GPHN: variants seen among roughly 807,000 people sequenced by gnomAD.
The protein encoded by GPHN is gephyrin.
GPHN carries 17 observed loss-of-function variants against 95.5 expected under a neutral mutation model. The ratio of observed to expected loss-of-function variants is 0.18; its 90% CI spans 0.12 to 0.27. The LOEUF is 0.27. Ranked by LOEUF, GPHN falls within the 10% of genes least tolerant of loss-of-function variation. GPHN has a pLI of 1.00. For missense variants in GPHN, 660 were observed against 978.1 expected (o/e 0.67, Z 4.34); for synonymous variants, 320 against 322.5 (o/e 0.99, Z 0.08).
intron 1 of GPHN, among the ~76,000 whole-genome samples, chr14:66,557,282 T>TAGAA (rs535911351): frequency 0.05 from 7,284 of 146,828 alleles, 336 homozygotes; most frequent in African/African-American, 0.12. Flanking sequence ...GATAGATAGA[T>TAGAA]AGAATGAATT....
At chr14:67,560,465 GCTAT>G in the GPHN span, among the ~76,000 whole-genome samples, 126 of 152,310 alleles carry the variant, frequency 8.3e-4, no homozygotes, top group Middle Eastern at 3.4e-3. Context: ...AGCCATCACT[GCTAT>G]CTATGTCTAA....
the GPHN span, among the ~76,000 whole-genome samples, chr14:67,667,451 T>C: frequency 6.6e-6 from 1 of 152,176 alleles, no homozygotes; most frequent in East Asian, 1.9e-4. Context: ...AACCAACCTG[T>C]TTCCTCATCT....
intron 3 of GPHN, among the ~76,000 whole-genome samples, chr14:66,792,497 A>C (rs550206792): frequency 1.3e-5 from 2 of 152,244 alleles, no homozygotes; most frequent in East Asian, 3.9e-4. Context: ...GAAAAAAAAA[A>C]AAACTGTCAG....
chr14:67,478,256 A>T, the GPHN span, among the ~76,000 whole-genome samples: 1 of 152,196 alleles, frequency 6.6e-6, no homozygotes, highest in South Asian at 2.1e-4. Context: ...TAGCTGTACA[A>T]GTGTGGTTCA....
chr14:66,530,495 G>GAA (rs34101170), intron 1 of GPHN, among the ~76,000 whole-genome samples: 1 of 149,422 alleles, frequency 6.7e-6, no homozygotes, highest in African/African-American at 2.5e-5. Context: ...ACTGGGGTAT[G>GAA]AAAAAAAAAC....
intron 5 of GPHN, among the ~76,000 whole-genome samples, chr14:66,883,639 C>A (rs751251340): frequency 6.6e-5 from 10 of 152,022 alleles, no homozygotes; most frequent in Non-Finnish European, 1.2e-4. Context: ...CTGTTAAAAT[C>A]CTTTGGGGAA....
intron 1 of GPHN, among the ~76,000 whole-genome samples, chr14:66,518,734 G>C (rs768416827): frequency 2.6e-5 from 4 of 152,132 alleles, no homozygotes; most frequent in Non-Finnish European, 4.4e-5. Flanking sequence ...GCCAGGAATG[G>C]AAAGTTAAAC....
chr14:67,038,082 C>A (rs1034299178), intron 10 of GPHN, among the ~76,000 whole-genome samples: 3 of 151,852 alleles, frequency 2.0e-5, no homozygotes, highest in Non-Finnish European at 4.4e-5. Flanking sequence ...AGGGGATAGG[C>A]AAAATATGGT....
At chr14:67,689,883 G>A in the GPHN span, among the ~76,000 whole-genome samples, 2 of 152,032 alleles carry the variant, frequency 1.3e-5, no homozygotes, top group Non-Finnish European at 2.9e-5. Context: ...AGTGGAGGTC[G>A]GCAGTGAGCC....
intron 18 of GPHN, among the ~76,000 whole-genome samples, chr14:67,152,845 A>G (rs1278489797): frequency 2.6e-5 from 4 of 152,048 alleles, no homozygotes; most frequent in African/African-American, 9.7e-5. Context: ...CATGCCTGTC[A>G]TGCCAGCTAC....
At chr14:67,599,997 C>T in the GPHN span, 23 of 1,531,998 alleles carry the variant, frequency 1.5e-5, no homozygotes, top group Non-Finnish European at 1.8e-5. Flanking sequence ...CTCCTTCGAG[C>T]GCGGGGAGGG....
chr14:67,527,853 G>C, the GPHN span, among the ~76,000 whole-genome samples: 2 of 152,208 alleles, frequency 1.3e-5, no homozygotes, highest in African/African-American at 4.8e-5. Flanking sequence ...TCACAGCTCT[G>C]CATGTAGGAC....
chr14:67,052,348 A>T (rs932285450), intron 10 of GPHN, among the ~76,000 whole-genome samples: 1 of 151,702 alleles, frequency 6.6e-6, no homozygotes, highest in Non-Finnish European at 1.5e-5. Flanking sequence ...CCAAAAAAAA[A>T]AAAAGATCAA....
chr14:66,666,176 A>G (rs996873254), intron 1 of GPHN, among the ~76,000 whole-genome samples: 2 of 152,074 alleles, frequency 1.3e-5, no homozygotes, highest in African/African-American at 4.8e-5. Flanking sequence ...GGTGCAGCAC[A>G]GCAACATGGC....
the GPHN span, among the ~76,000 whole-genome samples, chr14:67,439,604 T>TTTTCTTTCTTTCTTTCTTTCTTTCTTTC: frequency 7.5e-6 from 1 of 133,528 alleles, no homozygotes; most frequent in African/African-American, 3.1e-5. Flanking sequence ...TTCTTTCTTT[T>TTTTCTTTCTTTCTTTCTTTCTTTCTTTC]TTGCATCAGA....
chr14:67,087,847 G>A (rs1313693362), intron 11 of GPHN, among the ~76,000 whole-genome samples: 1 of 151,820 alleles, frequency 6.6e-6, no homozygotes, highest in African/African-American at 2.4e-5. Context: ...TACTTGTCTT[G>A]GTTTCTTTTC....
chr14:66,531,770 T>A (rs2058949364), intron 1 of GPHN, among the ~76,000 whole-genome samples: 1 of 152,228 alleles, frequency 6.6e-6, no homozygotes, highest in Non-Finnish European at 1.5e-5. Flanking sequence ...GCTTTAAGTA[T>A]GATTAGTTGA....
the GPHN span, among the ~76,000 whole-genome samples, chr14:67,299,954 T>C: frequency 1.3e-5 from 2 of 152,194 alleles, no homozygotes; most frequent in Non-Finnish European, 2.9e-5. Flanking sequence ...TTAAAATTAA[T>C]GTAGACTTAA....
intron 1 of GPHN, among the ~76,000 whole-genome samples, chr14:66,665,421 C>T (rs2065895194): frequency 6.6e-6 from 1 of 152,280 alleles, no homozygotes; most frequent in South Asian, 2.1e-4. Flanking sequence ...CAAACAGCAC[C>T]ATCAACAAGT....
Sources: gnomAD v4.1 joint callset for allele counts (sites outside exome capture counted in the v4.1 genomes callset) on GRCh38, gnomAD v4.1.1 for gene constraint, MANE v1.5 for transcripts, NCBI Gene and HGNC (gene_info 2026-07-23, HGNC 2026-07-21) for gene names.